The following BMPR1B variants were observed in gnomAD, a reference collection of about 807,000 sequenced individuals.
BMPR1B encodes the protein bone morphogenetic protein receptor type-1B.
Under a neutral mutation model 59.1 loss-of-function variants are expected in BMPR1B, and 12 were observed. The ratio of observed to expected loss-of-function variants is 0.20; its 90% CI spans 0.13 to 0.33. The LOEUF (loss-of-function observed/expected upper bound fraction) is 0.33. Ranked by LOEUF, BMPR1B falls within the 10% of genes least tolerant of loss-of-function variation. BMPR1B has a pLI of 1.00. For synonymous variants in BMPR1B, 237 were observed against 207.3 expected (o/e 1.14, Z -1.23); for missense variants, 550 against 610.9 (o/e 0.90, Z 1.05).
At chr4:94,778,026 C>CA (rs954937451) in intron 1 of BMPR1B, among the ~76,000 whole-genome samples, 86 of 131,640 alleles carry the variant, frequency 6.5e-4, no homozygotes, top group Non-Finnish European at 5.8e-4. Flanking sequence ...AACTCCATCT[C>CA]AAAAAAAAAA....
At position 94,762,421 on chromosome 4, in the gene BMPR1B, G is replaced by T. The variant is rs183498608; in HGVS notation, c.-183+4353G>T. Among the ~76,000 whole-genome samples the T allele has an allele frequency of 1.9e-3, 285 of 152,258 alleles. 4 individuals are homozygous for T. The highest frequency in any genetic ancestry group is 6.7e-3 in the African/African-American group (279 of 41,540). On this transcript the variant is annotated intron_variant, in intron 1 of 12. Transcript: ENST00000515059. ...GGTGGTCAAGGAAGGCCTCTGTAAG[G>T]ATATTCTTGAGTAACAAGAAAGAGC...
chr4:94,776,771 T>A lies in BMPR1B; in HGVS notation c.-183+18703T>A, dbSNP rs565527304. The stretch of plus-strand genomic sequence containing the variant: ...ATGTCTTGGTTCTGCAAGACTTGAT[T>A]ATTACATGAATACGCGTTCAATGGA... On this transcript the variant is annotated intron_variant, in intron 1 of 12. Transcript: ENST00000515059. Among the ~76,000 whole-genome samples the A allele has an allele frequency of 1.7e-4, 26 of 152,328 alleles. 1 individual carries two copies. The South Asian group carries it at 5.4e-3, about 32-fold the overall frequency.
intron 1 of BMPR1B, among the ~76,000 whole-genome samples, chr4:94,828,699 C>T (rs1379623753): frequency 6.6e-6 from 1 of 152,062 alleles, no homozygotes; most frequent in East Asian, 1.9e-4. Flanking sequence ...CTCTCATCCT[C>T]AAAGTGAGGT....
At chr4:95,048,632 C>T (rs1048538889) in intron 3 of BMPR1B, among the ~76,000 whole-genome samples, 16 of 152,218 alleles carry the variant, frequency 1.1e-4, no homozygotes, top group African/African-American at 3.9e-4. Context: ...TGTTTGCCCA[C>T]TTTTTAATGC....
At chr4:94,875,681 C>T (rs900405644) in intron 1 of BMPR1B, 150 bp from the exon 2 acceptor site, 6 of 152,690 alleles carry the variant, frequency 3.9e-5, no homozygotes, top group African/African-American at 1.2e-4. Flanking sequence ...GAGACTCCAT[C>T]TCAAAAGAAA....
intron 1 of BMPR1B, among the ~76,000 whole-genome samples, chr4:94,779,855 G>A (rs1041444069): frequency 4.0e-5 from 6 of 151,886 alleles, no homozygotes; most frequent in Non-Finnish European, 5.9e-5. Flanking sequence ...AAAAAAAAAG[G>A]ATGTTCTCTT....
intron 2 of BMPR1B, 69 bp downstream of exon 2, chr4:94,875,969 C>G (rs879440246): frequency 6.6e-6 from 1 of 152,534 alleles, no homozygotes; most frequent in Non-Finnish European, 1.5e-5. Context: ...TTTGACACTC[C>G]GACTTTGTGG....
chr4:94,900,275 T>G (rs1727759709), intron 2 of BMPR1B, among the ~76,000 whole-genome samples: 1 of 149,860 alleles, frequency 6.7e-6, no homozygotes, highest in Non-Finnish European at 1.5e-5. Context: ...AGATGTCAAT[T>G]AGCTGGATGG....
rs867199961 is a variant in BMPR1B, at chr4:94,977,142, A to C, written c.-112-18898A>C. On this transcript the variant is annotated intron_variant, in intron 2 of 12. Coordinates refer to ENST00000515059, the MANE Select transcript of BMPR1B (RefSeq NM_001203.3). The stretch of plus-strand genomic sequence containing the variant: ...AAAGCCATGCCCTTACATTTTTGAA[A>C]TAATCGCTTCTTTACCAGAGATTCC... Among the ~76,000 whole-genome samples the C allele has an allele frequency of 1.6e-4, 24 of 152,340 alleles. No individual in the cohort carries two copies. In the South Asian group the frequency reaches 2.1e-3, roughly 13 times the overall value.
chr4:94,938,484 G>C (rs897440340), intron 2 of BMPR1B, among the ~76,000 whole-genome samples: 3 of 151,806 alleles, frequency 2.0e-5, no homozygotes, highest in Non-Finnish European at 4.4e-5. Context: ...CACAGAGCGA[G>C]ACTGTGTCTA....
chr4:95,015,292 CT>C, intron 3 of BMPR1B, among the ~76,000 whole-genome samples: 1 of 152,238 alleles, frequency 6.6e-6, no homozygotes, highest in East Asian at 1.9e-4. Context: ...AATCTCATGC[CT>C]TTTTAATGTT....
intron 3 of BMPR1B, among the ~76,000 whole-genome samples, chr4:95,068,648 CCTT>C: frequency 6.6e-6 from 1 of 152,304 alleles, no homozygotes; most frequent in African/African-American, 2.4e-5. Context: ...AATCACTTCT[CCTT>C]TTATTCCATG....
intron 2 of BMPR1B, among the ~76,000 whole-genome samples, chr4:94,924,515 G>C (rs1337562050): frequency 6.6e-6 from 1 of 152,038 alleles, no homozygotes; most frequent in Non-Finnish European, 1.5e-5. Context: ...TAAAGAGTGG[G>C]GACAGAAGCC....
intron 3 of BMPR1B, among the ~76,000 whole-genome samples, chr4:95,012,894 TG>T (rs1241795422): frequency 6.6e-6 from 1 of 152,148 alleles, no homozygotes; most frequent in Non-Finnish European, 1.5e-5. Flanking sequence ...TAACACAGTT[TG>T]GGTTAGTAAT....
At chr4:95,060,212 A>G (rs1727250152) in intron 3 of BMPR1B, among the ~76,000 whole-genome samples, 1 of 152,184 alleles carries the variant, frequency 6.6e-6, no homozygotes, top group Non-Finnish European at 1.5e-5. Flanking sequence ...GCTTAAATTT[A>G]ATAAGCTATC....
At chr4:95,047,857 T>G (rs1168783944) in intron 3 of BMPR1B, among the ~76,000 whole-genome samples, 3 of 152,170 alleles carry the variant, frequency 2.0e-5, no homozygotes, top group Admixed American at 6.5e-5. Context: ...ATGGGCATAT[T>G]GTGTGTTGCT....
intron 2 of BMPR1B, among the ~76,000 whole-genome samples, chr4:94,932,029 C>T (rs1729112214): frequency 6.6e-6 from 1 of 152,130 alleles, no homozygotes; most frequent in South Asian, 2.1e-4. Context: ...GACTTTCATG[C>T]CAGGAAGCCA....
intron 3 of BMPR1B, among the ~76,000 whole-genome samples, chr4:95,045,318 A>T (rs1725962562): frequency 6.6e-6 from 1 of 152,212 alleles, no homozygotes; most frequent in South Asian, 2.1e-4. Flanking sequence ...AAGAAGTAGT[A>T]GCTGTCAGTT....
Position 95,148,768 on chromosome 4 carries a change from T to A in BMPR1B, c.1097T>A (p.Ile366Lys). Residue 366 changes from isoleucine to lysine, a missense_variant, in exon 11 of 13, where the codon ATA becomes AAA. By Grantham distance (102) the Ile-to-Lys change is moderately radical. Around this residue, in one of 6 missense-constraint regions of BMPR1B, gnomAD observed 318 missense variants for 284.6 expected, o/e 1.12. Transcript: ENST00000515059. ...KFISDTNEVD[I>K]PPNTRVGTKR... ...CTTAGTGATACAAATGAAGTTGACA[T>A]ACCACCTAACACTCGAGTTGGCACC... 1.2e-6 allele frequency: 2 copies of A among 1,614,032 alleles called. No homozygotes were observed. The highest frequency in any genetic ancestry group is 1.7e-6 in the Non-Finnish European group (2 of 1,179,916).
Sources: gnomAD v4.1 joint callset for allele counts (sites outside exome capture counted in the v4.1 genomes callset) on GRCh38, gnomAD v4.1.1 for gene constraint, gnomAD v4.1.1 regional missense constraint, MANE v1.5 for transcripts, NCBI Gene and HGNC (gene_info 2026-07-23, HGNC 2026-07-21) for gene names.